Variants in USP9X observed in about 807,000 individuals in gnomAD.
The protein encoded by USP9X is ubiquitin specific peptidase 9 X-linked.
In USP9X, 7 loss-of-function variants were observed where a neutral mutation model predicts 190.3. The observed-to-expected ratio is 0.04, with a 90% CI of 0.02 to 0.07. USP9X has a LOEUF of 0.07. USP9X is among the 10% of genes least tolerant of loss of function. USP9X has a pLI of 1.00. For missense variants in USP9X, 1,010 were observed against 1,916.9 expected, an observed-to-expected ratio of 0.53 and a Z score of 8.83; for synonymous variants, 645 against 659.5, an observed-to-expected ratio of 0.98 and a Z score of 0.34.
intron 38 of USP9X, among the ~76,000 whole-genome samples, chrX:41,222,287 C>G (rs1204423558): frequency 1.8e-5 from 2 of 110,276 alleles, no homozygotes; most frequent in Non-Finnish European, 3.8e-5. Context: ...TTTTAAGAGA[C>G]AAGGAGGAGT....
At chrX:41,145,688 G>A (rs1191111870) in intron 11 of USP9X, among the ~76,000 whole-genome samples, 5 of 111,670 alleles carry the variant, frequency 4.5e-5, no homozygotes, top group Non-Finnish European at 9.4e-5. Context: ...TTTTACCTGG[G>A]TACTAGTTAC....
At chrX:41,156,711 A>G (rs2062582098) in intron 14 of USP9X, among the ~76,000 whole-genome samples, 1 of 111,915 alleles carries the variant, frequency 8.9e-6, no homozygotes, top group Non-Finnish European at 1.9e-5. Flanking sequence ...CCTGAACAGT[A>G]ACATAGATGT....
intron 35 of USP9X, 63 bp downstream of exon 35, chrX:41,216,715 G>A: frequency 9.3e-7 from 1 of 1,078,132 alleles, no homozygotes; most frequent in Non-Finnish European, 1.2e-6. Context: ...GCGTCAACAT[G>A]TTTAAGTTCA....
At chrX:41,224,029 A>T (rs1220178980) in intron 39 of USP9X, among the ~76,000 whole-genome samples, 1 of 109,863 alleles carries the variant, frequency 9.1e-6, no homozygotes, top group African/African-American at 3.3e-5. Flanking sequence ...GCGAGACTTC[A>T]TCTCTACTAA....
In USP9X at chrX:41,236,569, T is replaced by C. The variant is rs1346853296; in HGVS notation, c.*4045T>C. ...TAGCACATATACAAAAATAAAACTT[T>C]ATAAATTCAATTTCGGTTTTCCCTT... On this transcript the variant is annotated 3_prime_UTR_variant, in exon 45 of 45. Transcript: ENST00000378308. 1 of 112,593 alleles carries C rather than the reference T, an allele frequency of 8.9e-6. No individual in the cohort carries two copies. The highest frequency in any genetic ancestry group is 1.9e-5 in the Non-Finnish European group (1 of 53,261). The allele number at this position is 112,593 out of a possible 1,213,427, so 9.3% of individuals were successfully genotyped here.
At chrX:41,099,363 A>C (rs768930855) in intron 1 of USP9X, among the ~76,000 whole-genome samples, 1 of 110,532 alleles carries the variant, frequency 9.0e-6, no homozygotes, top group Non-Finnish European at 1.9e-5. Flanking sequence ...GGTTTATAGG[A>C]TACATATGTG....
rs1249232403 is a variant in USP9X at position 41,152,970 on chromosome X, G to C, written c.1786G>C (p.Val596Leu). 8.3e-7 allele frequency: 1 copy of C among 1,207,259 alleles called. No individual in the cohort carries two copies. The highest frequency in any genetic ancestry group is 1.8e-5 in the African/African-American group (1 of 57,098). ...CAGTCAAACTCAGCGAAGTCCCCAT[G>C]TGTTTTATCGCCATGACTTAATCAA... ...NLSQTQRSPH[V>L]FYRHDLINQL... Residue 596 changes from valine (V) to leucine (L), a missense_variant, in exon 14 of 45, where the codon GTG becomes CTG. This residue lies in a region of USP9X where 104 missense variants were observed against 239.8 expected (regional missense o/e 0.43). Transcript: ENST00000378308.
intron 1 of USP9X, among the ~76,000 whole-genome samples, chrX:41,090,523 T>C (rs186891476): frequency 2.7e-5 from 3 of 112,772 alleles, no homozygotes; most frequent in African/African-American, 9.7e-5. Flanking sequence ...ACATATCTTA[T>C]ATTTGGCAGC....
chrX:41,135,005 C>T lies in USP9X; in HGVS notation c.435+168C>T, dbSNP rs752228080. On this transcript the variant is annotated intron_variant, in intron 5 of 44. Coordinates refer to ENST00000378308, the MANE Select transcript of USP9X (RefSeq NM_001039591.3). The stretch of plus-strand genomic sequence containing the variant: ...TTTATAAATTAAGTCTCTTGAAGGC[C>T]GCATGGTCATTTAGAATAAGCATGA... Among the ~76,000 whole-genome samples, 18 of 111,921 alleles carry T rather than the reference C, an allele frequency of 1.6e-4. No homozygotes were observed. The South Asian group carries it at 1.8e-3, about 11-fold the overall frequency.
chrX:41,210,322 C>T (rs886693600), intron 32 of USP9X, among the ~76,000 whole-genome samples, 187 bp from the exon 33 acceptor site: 1 of 112,065 alleles, frequency 8.9e-6, no homozygotes, highest in African/African-American at 3.2e-5. Context: ...CTCTCTTACC[C>T]CACTACATTC....
At chrX:41,152,816 AAAG>A (rs2062540992) in intron 13 of USP9X, 129 bp from the exon 14 acceptor site, 2 of 621,395 alleles carry the variant, frequency 3.2e-6, no homozygotes, top group African/African-American at 2.3e-5. Context: ...ATTTTCATTA[AAAG>A]AAGTAAATGT....
chrX:41,220,593 A>T (rs138291597), intron 38 of USP9X, among the ~76,000 whole-genome samples: 11 of 112,529 alleles, frequency 9.8e-5, no homozygotes, highest in Non-Finnish European at 1.9e-4. Flanking sequence ...AATAAAGACT[A>T]TAAGTAGCCT....
chrX:41,124,445 G>A (rs1181390471), intron 2 of USP9X, among the ~76,000 whole-genome samples: 7 of 110,325 alleles, frequency 6.3e-5, no homozygotes, highest in African/African-American at 2.3e-4. Flanking sequence ...CTCCATCTCC[G>A]AAAAAAAAGA....
intron 1 of USP9X, among the ~76,000 whole-genome samples, chrX:41,090,239 C>T (rs767784940): frequency 9.1e-6 from 1 of 109,634 alleles, no homozygotes; most frequent in Non-Finnish European, 1.9e-5. Context: ...ACAAGATTCC[C>T]CAAAGATCTT....
In USP9X at chrX:41,196,743, GT is replaced by G; in HGVS notation, c.4233+9del. 8.8e-7 allele frequency: 1 copy of G among 1,136,355 alleles called. No individual in the cohort carries two copies. The highest frequency in any genetic ancestry group is 1.2e-6 in the Non-Finnish European group (1 of 842,805). 93.6% of individuals were successfully genotyped at this position (1,136,355 alleles called of 1,213,427 possible). A position where few individuals can be genotyped will look rare whatever the true frequency, so the allele number is the denominator to read the frequency against. On this transcript the variant is annotated splice_donor_region_variant and intron_variant, in intron 28 of 44. Transcript: ENST00000378308. ...GATTGGCTTAAAAGAATTAGGGTAA[GT>G]TTTAGTTAATACTCCATTTATATGT...
intron 43 of USP9X, 197 bp downstream of exon 43, chrX:41,229,976 G>A (rs747263218): frequency 5.0e-5 from 34 of 681,724 alleles, no homozygotes; most frequent in African/African-American, 8.9e-5. Flanking sequence ...CGAGGCAGGC[G>A]GATCACCTGA....
intron 1 of USP9X, among the ~76,000 whole-genome samples, chrX:41,115,186 A>T (rs926169517): frequency 9.8e-6 from 1 of 102,079 alleles, no homozygotes; most frequent in Non-Finnish European, 2.0e-5. Flanking sequence ...GTGCCACTGC[A>T]CTCTAGCCTG....
At chrX:41,218,734 T>C (rs1297129976) in intron 37 of USP9X, 137 bp downstream of exon 37, 1 of 551,392 alleles carries the variant, frequency 1.8e-6, no homozygotes, top group East Asian at 3.5e-5. Context: ...TGTCAGTGAG[T>C]TCCATTTAAT....
At chrX:41,109,617 A>G (rs1397313525) in intron 1 of USP9X, among the ~76,000 whole-genome samples, 12 of 112,391 alleles carry the variant, frequency 1.1e-4, no homozygotes, top group Non-Finnish European at 1.5e-4. Context: ...AGGGGTGTGT[A>G]TGTGTGTGTG....
Sources: allele counts gnomAD v4.1 joint callset (sites outside exome capture counted in the v4.1 genomes callset), GRCh38; gene constraint gnomAD v4.1.1; regional missense constraint gnomAD v4.1.1; transcripts MANE v1.5; gene names NCBI Gene and HGNC (gene_info 2026-07-23, HGNC 2026-07-21).